DHRS12: variants seen among roughly 807,000 people sequenced by gnomAD.
The protein encoded by DHRS12 is dehydrogenase/reductase 12.
Under a neutral mutation model 32.1 loss-of-function variants are expected in DHRS12, and 29 were observed. The ratio of observed to expected loss-of-function variants is 0.90; its 90% confidence interval spans 0.67 to 1.23. The LOEUF (loss-of-function observed/expected upper bound fraction) is 1.23. Among genes scored for constraint, DHRS12 ranks in the 50% most tolerant of loss-of-function variants. The probability of loss-of-function intolerance (pLI) is 0.00; values close to 1 mark genes in which losing one functional copy is unlikely to be tolerated. For synonymous variants in DHRS12, 150 were observed against 135.9 expected (o/e 1.10, Z -0.72); for missense variants, 330 against 337.2 (o/e 0.98, Z 0.17).
In DHRS12 at chr13:51,777,093, GAT is replaced by G; in HGVS notation, c.328_329del (p.Ile110ProfsTer28). On this transcript the variant is annotated frameshift_variant, in exon 5 of 9. Coordinates refer to ENST00000444610, the MANE Select transcript of DHRS12 (RefSeq NM_001377533.1). LOFTEE classifies it high-confidence loss of function. ...LGVYILTTGL[I>X]PVLEKEHDPR... is the part of the protein sequence containing the mutation. ...GGTCGTGTTCTTTCTCCAGCACAGG[GAT>G]CAGGCCGGTCGTGAGAATGTACACA... is the stretch of plus-strand genomic sequence containing the variant. 13 of 1,613,954 alleles carry G rather than the reference GAT, an allele frequency of 8.1e-6. No individual in the cohort carries two copies. Among genetic ancestry groups the G allele is most frequent in the Non-Finnish European group, 1.1e-5 (13 of 1,180,020 alleles).
chr13:51,801,715 A>C (rs1034279554), intron 1 of DHRS12, among the ~76,000 whole-genome samples: 3 of 152,188 alleles, frequency 2.0e-5, no homozygotes, highest in African/African-American at 7.2e-5. Context: ...GGGCTTAGCT[A>C]GGAGGAGGCA....
chr13:51,794,254 C>A (rs1411345896), intron 2 of DHRS12, among the ~76,000 whole-genome samples: 1 of 152,216 alleles, frequency 6.6e-6, no homozygotes, highest in Non-Finnish European at 1.5e-5. Flanking sequence ...TCAACTGGGA[C>A]CCTTTCTGCA....
At chr13:51,776,022 T>G (rs1417030159) in intron 5 of DHRS12, 1 of 133,772 alleles carries the variant, frequency 7.5e-6, no homozygotes. Context: ...CTACATGTAT[T>G]CTCCTACATG....
chr13:51,771,405 C>G, intron 7 of DHRS12: 1 of 1,614,112 alleles, frequency 6.2e-7, no homozygotes, highest in Non-Finnish European at 8.5e-7. Flanking sequence ...CTGGCATTTA[C>G]CTTCATGCAT....
downstream of DHRS12, chr13:51,763,962 T>G (rs1953668323): frequency 2.0e-5 from 3 of 152,220 alleles, no homozygotes; most frequent in Non-Finnish European, 4.4e-5. Flanking sequence ...AGAATTTTAA[T>G]TCTATGTCAG....
chr13:51,794,862 G>A (rs1412646747), intron 2 of DHRS12, among the ~76,000 whole-genome samples: 2 of 151,946 alleles, frequency 1.3e-5, no homozygotes, highest in African/African-American at 4.8e-5. Flanking sequence ...GTACTAAGGT[G>A]GGGCTGAACT....
In DHRS12 at chr13:51,804,142, C is replaced by A; in HGVS notation, c.-97G>T. On this transcript the variant is annotated 5_prime_UTR_variant, in exon 1 of 9. Transcript: ENST00000444610. Reference sequence around the variant, plus strand: ...GCGCCCCACGCCTAGCCCCACCGCGCTCCCGGCGCGGCCTCCGCCCTGGTC... The same window carrying A: ...GCGCCCCACGCCTAGCCCCACCGCGATCCCGGCGCGGCCTCCGCCCTGGTC... The A allele has an allele frequency of 6.9e-7, 1 of 1,448,350 alleles. No homozygotes were observed. Among genetic ancestry groups the A allele is most frequent in the South Asian group, 1.3e-5 (1 of 75,388 alleles). The allele number at this position is 1,448,350 out of a possible 1,614,324, so 89.7% of individuals were successfully genotyped here.
intron 4 of DHRS12, 122 bp from the exon 5 acceptor site, chr13:51,777,243 C>G: frequency 1.0e-6 from 1 of 1,002,252 alleles, no homozygotes; most frequent in South Asian, 1.3e-5. Flanking sequence ...AAGTGGCCAC[C>G]TGAGGGGCAG....
intron 2 of DHRS12, among the ~76,000 whole-genome samples, chr13:51,796,555 A>C (rs1170476731): frequency 6.6e-6 from 1 of 152,208 alleles, no homozygotes; most frequent in African/African-American, 2.4e-5. Flanking sequence ...TGGTGGAATT[A>C]GATATAAGCC....
chr13:51,755,294 G>A, the DHRS12 span: 2 of 1,468,612 alleles, frequency 1.4e-6, no homozygotes, highest in South Asian at 1.1e-5. Context: ...TTTCATCAGG[G>A]TCAGTGGTTT....
At position 51,769,262 on chromosome 13, in the gene DHRS12, G is replaced by A. The variant is rs763541493; in HGVS notation, c.591C>T (p.Ala197=). The A allele has an allele frequency of 6.3e-7, 1 of 1,586,620 alleles. No homozygotes were observed. The highest frequency in any genetic ancestry group is 8.6e-7 in the Non-Finnish European group (1 of 1,165,832). Residue 197 remains alanine, a synonymous_variant, in exon 8 of 9, where the codon GCC becomes GCT. Coordinates refer to ENST00000444610, the MANE Select transcript of DHRS12 (RefSeq NM_001377533.1). ...GVRQAMPGFH[A]RFGDRLRSEA... The stretch of plus-strand genomic sequence containing the variant: ...CGGAGCGCAGGCGGTCCCCGAACCT[G>A]GCGTGGAACCCCGGCATCGCCTGCC...
At chr13:51,797,803 A>G in intron 2 of DHRS12, 1 of 1,533,886 alleles carries the variant, frequency 6.5e-7, no homozygotes, top group East Asian at 2.4e-5. Flanking sequence ...GAAACCCAGC[A>G]GGAGGGGTGA....
chr13:51,765,373 G>C (rs946807569), downstream of DHRS12: 1 of 152,094 alleles, frequency 6.6e-6, no homozygotes, highest in Non-Finnish European at 1.5e-5. Flanking sequence ...TTTAACACAT[G>C]AAAGCAGTGT....
At chr13:51,762,802 G>A in the DHRS12 span, 2 of 119,238 alleles carry the variant, frequency 1.7e-5, no homozygotes, top group African/African-American at 3.2e-5. Context: ...ACATGCCTGC[G>A]CTGAGAAAGT....
At chr13:51,766,045 T>A (rs1018364589), downstream of DHRS12, 7 of 152,194 alleles carry the variant, frequency 4.6e-5, no homozygotes, top group Admixed American at 3.9e-4. Context: ...ATTTGAAAAA[T>A]GTTTCACATA....
At chr13:51,803,983 A>G in intron 1 of DHRS12, 71 bp downstream of exon 1, 1 of 1,342,464 alleles carries the variant, frequency 7.4e-7, no homozygotes, top group South Asian at 1.7e-5. Flanking sequence ...CGTCCCCGCC[A>G]ACCCTGCTCG....
chr13:51,795,162 C>T (rs1006367415), intron 2 of DHRS12, among the ~76,000 whole-genome samples: 6 of 152,154 alleles, frequency 3.9e-5, no homozygotes, highest in Middle Eastern at 3.2e-3. Context: ...GCTGGCCTGC[C>T]GCACACCTCA....
rs565443562 is a variant in DHRS12, at chr13:51,791,993, C to T, written c.127-736G>A. On this transcript the variant is annotated intron_variant, in intron 2 of 8. Coordinates refer to ENST00000444610, the MANE Select transcript of DHRS12 (RefSeq NM_001377533.1). ...ATGTACCACATTTTCTTTGTCCATTCTTCTGTCGATGGACATTTAAGTTGT... is the reference window on the plus strand; with the variant it reads ...ATGTACCACATTTTCTTTGTCCATTTTTCTGTCGATGGACATTTAAGTTGT... Among the ~76,000 whole-genome samples the T allele has an allele frequency of 2.0e-5, 3 of 152,324 alleles. No homozygotes were observed. The East Asian group carries it at 5.8e-4, about 29-fold the overall frequency.
intron 5 of DHRS12, chr13:51,774,428 T>C (rs1566279306): frequency 1.5e-5 from 2 of 136,444 alleles, no homozygotes; most frequent in East Asian, 4.2e-4. Context: ...CCTACAGTAT[T>C]CTCCTACATG....
Sources: allele counts gnomAD v4.1 joint callset (sites outside exome capture counted in the v4.1 genomes callset), GRCh38; gene constraint gnomAD v4.1.1; transcripts MANE v1.5; gene names NCBI Gene and HGNC (gene_info 2026-07-23, HGNC 2026-07-21).